Variants in HIC2 observed in about 807,000 individuals in gnomAD.
HIC2 encodes the protein hypermethylated in cancer 2 protein.
A neutral mutation model predicts 39.5 loss-of-function variants in HIC2; 2 were observed. The ratio of observed to expected loss-of-function variants is 0.05; its 90% CI spans 0.02 to 0.16. HIC2 has a LOEUF of 0.16. Ranked by LOEUF, HIC2 falls within the 10% of genes least tolerant of loss-of-function variation. The pLI is 1.00. For synonymous variants in HIC2, 399 were observed against 368.8 expected, an observed-to-expected ratio of 1.08 and a Z score of -0.94; for missense variants, 713 against 863.5, an observed-to-expected ratio of 0.83 and a Z score of 2.18.
In HIC2 at chr22:21,447,011, T is replaced by G; in HGVS notation, c.*268T>G. On this transcript the variant is annotated 3_prime_UTR_variant, in exon 3 of 3. Coordinates refer to ENST00000407464, the MANE Select transcript of HIC2 (RefSeq NM_015094.3). ...CCCGCGGGGGCCACCGCAGGGCCTGTGGGCTGGGTCACGTGGGTCTCGCTG... is the reference window on the plus strand; with the variant it reads ...CCCGCGGGGGCCACCGCAGGGCCTGGGGGCTGGGTCACGTGGGTCTCGCTG... The G allele has an allele frequency of 2.0e-6, 1 of 495,156 alleles. No homozygotes were observed. Among genetic ancestry groups the G allele is most frequent in the Non-Finnish European group, 3.6e-6 (1 of 281,088 alleles). The allele number at this position is 495,156 out of a possible 1,614,324, so 30.7% of individuals were successfully genotyped here.
chr22:21,421,975 A>G (rs1923089403), intron 1 of HIC2, among the ~76,000 whole-genome samples: 1 of 16,486 alleles, frequency 6.1e-5, no homozygotes, highest in African/African-American at 1.1e-4. Context: ...CTTCGGCTTC[A>G]TTCCACCGGG....
At position 21,446,870 on chromosome 22, in the gene HIC2, C is replaced by T. The variant is rs1307227269; in HGVS notation, c.*127C>T. 4 of 1,255,682 alleles carry T rather than the reference C, an allele frequency of 3.2e-6. No homozygotes were observed. Among genetic ancestry groups the T allele is most frequent in the Non-Finnish European group, 3.2e-6 (3 of 930,890 alleles). The allele number at this position is 1,255,682 out of a possible 1,614,324, so 77.8% of individuals were successfully genotyped here. A position where few individuals can be genotyped will look rare whatever the true frequency, so the allele number is the denominator to read the frequency against. ...TGGAGGCTCCGGGTGGCCCCTCTGG[C>T]CCCCACTGCCCACACCCAGAGCTTT... is the stretch of plus-strand genomic sequence containing the variant. On this transcript the variant is annotated 3_prime_UTR_variant, in exon 3 of 3. Transcript: ENST00000407464.
At position 21,446,506 on chromosome 22, in the gene HIC2, C is replaced by A. The variant is rs773339064; in HGVS notation, c.1611C>A (p.Ile537=). 6.2e-7 allele frequency: 1 copy of A among 1,612,914 alleles called. No homozygotes were observed. Among genetic ancestry groups the A allele is most frequent in the Non-Finnish European group, 8.5e-7 (1 of 1,180,024 alleles). The part of the protein sequence containing the change: ...HWLTRPFPCN[I]CGKMFTQRGT... ...TGACACGGCCCTTCCCCTGCAACAT[C>A]TGTGGCAAAATGTTCACGCAGCGCG... The change falls in exon 3 of 3, where the codon ATC becomes ATA. Residue 537 remains isoleucine (I), a synonymous_variant. Coordinates refer to ENST00000407464, the MANE Select transcript of HIC2 (RefSeq NM_015094.3).
intron 1 of HIC2, among the ~76,000 whole-genome samples, chr22:21,432,118 A>G (rs1233811576): frequency 2.0e-5 from 2 of 98,200 alleles, no homozygotes; most frequent in African/African-American, 7.7e-5. Context: ...TTGATTACCT[A>G]TGAAGGAGCA....
intron 1 of HIC2, among the ~76,000 whole-genome samples, chr22:21,431,926 G>C (rs1187219530): frequency 1.6e-5 from 2 of 122,700 alleles, no homozygotes; most frequent in East Asian, 6.8e-4. Context: ...AGCTATGATC[G>C]CGCCACTGCA....
chr22:21,444,698 C>CCT (rs556001643), intron 2 of HIC2, among the ~76,000 whole-genome samples: 25 of 152,350 alleles, frequency 1.6e-4, no homozygotes, highest in African/African-American at 6.0e-4. Flanking sequence ...GGGGCAGGGG[C>CCT]CTCTGTCCCT....
chr22:21,446,428 G>T lies in HIC2; in HGVS notation c.1533G>T (p.Glu511Asp), dbSNP rs774743592. The change falls in exon 3 of 3, where the codon GAG becomes GAT. Residue 511 changes from glutamate (E) to aspartate (D), a missense_variant. By Grantham distance (45) the Glu-to-Asp change is conservative (BLOSUM62 2). Coordinates refer to ENST00000407464, the MANE Select transcript of HIC2 (RefSeq NM_015094.3). ...EPRPFKCSVCEKTYKDPATLR... is the reference protein window; with the variant it reads ...EPRPFKCSVCDKTYKDPATLR... The stretch of plus-strand genomic sequence containing the variant: ...GGCCCTTCAAGTGTTCGGTCTGCGA[G>T]AAGACCTACAAGGACCCAGCCACGC... The T allele has an allele frequency of 2.5e-5, 40 of 1,611,942 alleles. No homozygotes were observed. The highest frequency in any genetic ancestry group is 3.4e-5 in the Non-Finnish European group (40 of 1,180,040).
chr22:21,444,925 G>T lies in HIC2; in HGVS notation c.30G>T (p.Trp10Cys), dbSNP rs761130150. The T allele has an allele frequency of 1.9e-6, 3 of 1,609,600 alleles. No individual in the cohort carries two copies. The highest frequency in any genetic ancestry group is 2.7e-5 in the African/African-American group (2 of 74,992). MVSGPLALR[W>C]CAWAGRGDMG... is the part of the protein sequence containing the mutation. ...GCGTGCCTGTTCTTGCCCACAGGTGGTGCGCGTGGGCAGGGCGCGGGGACA... is the reference window on the plus strand; with the variant it reads ...GCGTGCCTGTTCTTGCCCACAGGTGTTGCGCGTGGGCAGGGCGCGGGGACA... The change falls in exon 3 of 3, where the codon TGG becomes TGT. Residue 10 changes from tryptophan (W) to cysteine (C), a missense_variant. By Grantham distance (215) the Trp-to-Cys change is radical (BLOSUM62 -2). This residue lies in a region of HIC2 where 102 missense variants were observed against 187.1 expected (regional missense o/e 0.55). Coordinates refer to ENST00000407464, the MANE Select transcript of HIC2 (RefSeq NM_015094.3).
rs775995147 is a variant in HIC2, at chr22:21,446,422, C to G, written c.1527C>G (p.Val509=). The G allele has an allele frequency of 1.2e-6, 2 of 1,611,992 alleles. No individual in the cohort carries two copies. The highest frequency in any genetic ancestry group is 1.7e-6 in the Non-Finnish European group (2 of 1,180,030). ...TAEPRPFKCS[V]CEKTYKDPAT... Reference sequence around the variant, plus strand: ...AGCCCCGGCCCTTCAAGTGTTCGGTCTGCGAGAAGACCTACAAGGACCCAG... The same window carrying G: ...AGCCCCGGCCCTTCAAGTGTTCGGTGTGCGAGAAGACCTACAAGGACCCAG... Residue 509 remains valine (V), a synonymous_variant, in exon 3 of 3, where the codon GTC becomes GTG. Coordinates refer to ENST00000407464, the MANE Select transcript of HIC2 (RefSeq NM_015094.3).
intron 2 of HIC2, among the ~76,000 whole-genome samples, chr22:21,443,669 G>A (rs1923640706): frequency 1.3e-5 from 2 of 152,306 alleles, no homozygotes; most frequent in East Asian, 3.9e-4. Context: ...GGAAGCCTGT[G>A]AGCCTATCCG....
rs1029801903 is a variant in HIC2, at chr22:21,444,839, C to T, written c.27-83C>T. ...GTGGGGTCAGTTCTGAGGCCCTTTG[C>T]CTCGTCGAGCCCCACCCTGCCCCAG... On this transcript the variant is annotated intron_variant, in intron 2 of 2. Coordinates refer to ENST00000407464, the MANE Select transcript of HIC2 (RefSeq NM_015094.3). 20 of 1,487,212 alleles carry T rather than the reference C, an allele frequency of 1.3e-5. No individual in the cohort carries two copies. The African/African-American group carries it at 2.5e-4, about 19-fold the overall frequency. The allele number at this position is 1,487,212 out of a possible 1,614,324, so 92.1% of individuals were successfully genotyped here. A position where few individuals can be genotyped will look rare whatever the true frequency, so the allele number is the denominator to read the frequency against.
chr22:21,447,056 C>G lies in HIC2; in HGVS notation c.*313C>G, dbSNP rs73398478. 1,431 of 354,102 alleles carry G rather than the reference C, an allele frequency of 4.0e-3. 14 individuals are homozygous for G. Among genetic ancestry groups the G allele is most frequent in the African/African-American group, 0.028 (1,322 of 47,982 alleles). 21.9% of individuals were successfully genotyped at this position (354,102 alleles called of 1,614,324 possible). On this transcript the variant is annotated 3_prime_UTR_variant, in exon 3 of 3. Coordinates refer to ENST00000407464, the MANE Select transcript of HIC2 (RefSeq NM_015094.3). ...TCGCTGGGACCTGGTCCCTTTGTTG[C>G]AGGCGGCTTGGAGAAAGGGCAGTGG...
rs1296764865 is a variant in HIC2 at position 21,450,720 on chromosome 22, G to C, written c.*3977G>C. 6.5e-6 allele frequency: 1 copy of C among 152,800 alleles called. No individual in the cohort carries two copies. The highest frequency in any genetic ancestry group is 1.5e-5 in the Non-Finnish European group (1 of 68,056). 9.5% of individuals were successfully genotyped at this position (152,800 alleles called of 1,614,324 possible). ...TTGGGGCAGATGTTACTGAACCTGT[G>C]AATCAGACGCCAGGAGTGAGGGCTG... On this transcript the variant is annotated 3_prime_UTR_variant, in exon 3 of 3. Transcript: ENST00000407464.
rs1451790160 is a variant in HIC2, at chr22:21,417,392, G to A, written c.-242G>A. On this transcript the variant is annotated 5_prime_UTR_variant, in exon 1 of 3. Coordinates refer to ENST00000407464, the MANE Select transcript of HIC2 (RefSeq NM_015094.3). Reference sequence around the variant, plus strand: ...CGTCACAAGCTTCCAAGATGGCGCTGGGCGGGCGGCTGTGAGCGGCGCTCG... The same window carrying A: ...CGTCACAAGCTTCCAAGATGGCGCTAGGCGGGCGGCTGTGAGCGGCGCTCG... 2 of 148,330 alleles carry A rather than the reference G, an allele frequency of 1.3e-5. No homozygotes were observed. The highest frequency in any genetic ancestry group is 3.0e-5 in the Non-Finnish European group (2 of 66,298). The allele number at this position is 148,330 out of a possible 1,614,324, so 9.2% of individuals were successfully genotyped here. A position where few individuals can be genotyped will look rare whatever the true frequency, so the allele number is the denominator to read the frequency against.
rs1329153308 is a variant in HIC2 at position 21,445,267 on chromosome 22, C to T, written c.372C>T (p.Ser124=). 2 of 1,612,048 alleles carry T rather than the reference C, an allele frequency of 1.2e-6. No individual in the cohort carries two copies. Among genetic ancestry groups the T allele is most frequent in the East Asian group, 2.2e-5 (1 of 44,880 alleles). ...PNFSTLLTAA[S]YLQLPELAAL... ...TCAGCACCCTCCTCACTGCCGCCAG[C>T]TACCTCCAGCTGCCCGAGTTGGCAG... Residue 124 remains serine (S), a synonymous_variant, in exon 3 of 3, where the codon AGC becomes AGT. Transcript: ENST00000407464.
intron 1 of HIC2, among the ~76,000 whole-genome samples, chr22:21,426,480 T>G (rs1923259941): frequency 1.3e-5 from 2 of 150,086 alleles, no homozygotes; most frequent in South Asian, 4.3e-4. Flanking sequence ...CAACTTTGTT[T>G]TTTTTTTTTT....
At chr22:21,431,920 A>G (rs1335250750) in intron 1 of HIC2, among the ~76,000 whole-genome samples, 1 of 118,282 alleles carries the variant, frequency 8.5e-6, no homozygotes, top group Admixed American at 1.0e-4. Flanking sequence ...AATTAGAGCT[A>G]TGATCGCGCC....
chr22:21,443,870 C>A (rs1027391007), intron 2 of HIC2, among the ~76,000 whole-genome samples: 1 of 152,144 alleles, frequency 6.6e-6, no homozygotes, highest in Non-Finnish European at 1.5e-5. Context: ...TTTATACCGC[C>A]GGCCACAGTC....
At chr22:21,441,565 GT>G (rs1923538140) in intron 1 of HIC2, among the ~76,000 whole-genome samples, 1 of 126,932 alleles carries the variant, frequency 7.9e-6, no homozygotes. Flanking sequence ...AGGGGCAGTG[GT>G]TGGGGAGCAG....
Sources: allele counts gnomAD v4.1 joint callset (sites outside exome capture counted in the v4.1 genomes callset), GRCh38; gene constraint gnomAD v4.1.1; regional missense constraint gnomAD v4.1.1; transcripts MANE v1.5; gene names NCBI Gene and HGNC (gene_info 2026-07-23, HGNC 2026-07-21).